The following CHST11 variants were observed in gnomAD, a reference collection of about 807,000 sequenced individuals.
CHST11 encodes the protein carbohydrate sulfotransferase 11, also known as C4S-1.
CHST11 carries 9 observed loss-of-function variants against 30.4 expected under a neutral mutation model. The ratio of observed to expected loss-of-function variants is 0.30; its 90% CI spans 0.18 to 0.52. The LOEUF is 0.52. Among genes scored for constraint, CHST11 ranks in the 20% least tolerant of loss-of-function variants. The pLI, the probability that CHST11 is intolerant of heterozygous loss-of-function variation, is 0.97. For synonymous variants in CHST11, 152 were observed against 187.8 expected (o/e 0.81, Z 1.56); for missense variants, 348 against 460.6 (o/e 0.76, Z 2.24).
intron 1 of CHST11, among the ~76,000 whole-genome samples, chr12:104,484,288 C>T (rs2135962831): frequency 6.6e-6 from 1 of 152,222 alleles, no homozygotes; most frequent in South Asian, 2.1e-4. Flanking sequence ...ATGGGACAGC[C>T]CCATCATGAC....
intron 1 of CHST11, among the ~76,000 whole-genome samples, chr12:104,523,301 C>A (rs780923662): frequency 1.3e-5 from 2 of 152,164 alleles, no homozygotes; most frequent in Non-Finnish European, 2.9e-5. Flanking sequence ...GAATTCTTTT[C>A]GCTTCCTGGA....
rs906336458 is a variant in CHST11 at position 104,661,404 on chromosome 12, C to CTAA, written c.204+59425_204+59427dup. Among the ~76,000 whole-genome samples, 8 of 151,210 alleles carry CTAA rather than the reference C, an allele frequency of 5.3e-5. No homozygotes were observed. In the East Asian group the frequency reaches 5.8e-4, roughly 11 times the overall value. ...CCCATCTCTACTACTACTACTACTA[C>CTAA]TAATAATAATAATACAAAAAATTAG... On this transcript the variant is annotated intron_variant, in intron 2 of 2. Coordinates refer to ENST00000303694, the MANE Select transcript of CHST11 (RefSeq NM_018413.6).
At chr12:104,535,400 C>G (rs1704926) in intron 1 of CHST11, among the ~76,000 whole-genome samples, 85,778 of 151,970 alleles carry the variant, frequency 0.56, 25,145 homozygotes, top group East Asian at 0.97. Context: ...TGGGTTTTAA[C>G]TGCAAACTGT....
chr12:104,700,668 T>C (rs928866628), intron 2 of CHST11, among the ~76,000 whole-genome samples: 1 of 152,220 alleles, frequency 6.6e-6, no homozygotes, highest in Admixed American at 6.5e-5. Context: ...TTCATATTGC[T>C]ATTGATTGCT....
intron 2 of CHST11, among the ~76,000 whole-genome samples, chr12:104,674,787 A>G (rs2039725416): frequency 6.6e-6 from 1 of 151,972 alleles, no homozygotes; most frequent in Non-Finnish European, 1.5e-5. Flanking sequence ...TATATCTAGG[A>G]TATAATGCCC....
rs116710288 is a variant in CHST11 at position 104,742,495 on chromosome 12, T to C, written c.205-14454T>C. Among the ~76,000 whole-genome samples the C allele has an allele frequency of 2.2e-3, 328 of 152,290 alleles. 2 individuals carry two copies. The highest frequency in any genetic ancestry group is 7.3e-3 in the African/African-American group (302 of 41,564). ...CTAGCCAGCAGGTGCTCAGCCTGCC[T>C]GCCCTTACTTCTGATTTCCCAAGCA... On this transcript the variant is annotated intron_variant, in intron 2 of 2. Transcript: ENST00000303694.
In CHST11 at chr12:104,558,339, C is replaced by A. The variant is rs923544073; in HGVS notation, c.119-43567C>A. Among the ~76,000 whole-genome samples, 4 of 152,208 alleles carry A rather than the reference C, an allele frequency of 2.6e-5. No homozygotes were observed. In the East Asian group the frequency reaches 5.8e-4, roughly 22 times the overall value. On this transcript the variant is annotated intron_variant, in intron 1 of 2. Transcript: ENST00000303694. ...CTGTCTCCTAGGCCCCTTCTCTGTACCTGTCTTTATGATTTGTTTTAAGGA... is the reference window on the plus strand; with the variant it reads ...CTGTCTCCTAGGCCCCTTCTCTGTAACTGTCTTTATGATTTGTTTTAAGGA...
At chr12:104,569,772 A>AG (rs1241991779) in intron 1 of CHST11, among the ~76,000 whole-genome samples, 1 of 152,204 alleles carries the variant, frequency 6.6e-6, no homozygotes, top group Non-Finnish European at 1.5e-5. Flanking sequence ...ATGTTGGTGC[A>AG]GGTGGTATTG....
At position 104,606,921 on chromosome 12, in the gene CHST11, C is replaced by G. The variant is rs1019604739; in HGVS notation, c.204+4930C>G. Among the ~76,000 whole-genome samples the G allele has an allele frequency of 2.0e-5, 3 of 152,026 alleles. No individual in the cohort carries two copies. The East Asian group carries it at 5.8e-4, about 29-fold the overall frequency. On this transcript the variant is annotated intron_variant, in intron 2 of 2. Coordinates refer to ENST00000303694, the MANE Select transcript of CHST11 (RefSeq NM_018413.6). ...CGTCTCTACCAAAAATACAAAAATT[C>G]GCCCGGCATGGTGGCTCGTGCCTGT...
intron 1 of CHST11, among the ~76,000 whole-genome samples, chr12:104,509,636 A>G (rs1333359745): frequency 1.3e-5 from 2 of 152,184 alleles, no homozygotes; most frequent in African/African-American, 4.8e-5. Context: ...CAAAAATTGC[A>G]GTAAAAGGCC....
intron 1 of CHST11, among the ~76,000 whole-genome samples, chr12:104,579,313 T>G (rs1316947907): frequency 6.6e-6 from 1 of 152,172 alleles, no homozygotes; most frequent in African/African-American, 2.4e-5. Context: ...TTTACCTGGG[T>G]TGAAGTCTTT....
At chr12:104,740,505 G>A (rs920996620) in intron 2 of CHST11, among the ~76,000 whole-genome samples, 2 of 152,146 alleles carry the variant, frequency 1.3e-5, no homozygotes, top group African/African-American at 4.8e-5. Flanking sequence ...AGGCATATTT[G>A]GGTTCCAGTC....
intron 2 of CHST11, among the ~76,000 whole-genome samples, chr12:104,609,555 C>A (rs950897979): frequency 2.6e-5 from 4 of 152,188 alleles, no homozygotes; most frequent in African/African-American, 9.7e-5. Flanking sequence ...ACATGACAGT[C>A]AAACACAATT....
intron 1 of CHST11, among the ~76,000 whole-genome samples, chr12:104,589,400 CAA>C (rs35359633): frequency 0.26 from 32,310 of 124,290 alleles, 3,695 homozygotes; most frequent in East Asian, 0.41. Context: ...GATCTTGTCT[CAA>C]AAAAAAAAAA....
Position 104,514,474 on chromosome 12 carries a change from T to C in CHST11, c.118+56945T>C, listed in dbSNP as rs2038001456. ...GGGGTCACCTGCCTGTCCCTGCTGC[T>C]ACGACTCCATACCATTACTGGTGCT... On this transcript the variant is annotated intron_variant, in intron 1 of 2. Coordinates refer to ENST00000303694, the MANE Select transcript of CHST11 (RefSeq NM_018413.6). 6 of 726,760 alleles carry C rather than the reference T, an allele frequency of 8.3e-6. No individual in the cohort carries two copies. The East Asian group carries it at 1.5e-4, about 18-fold the overall frequency. The allele number at this position is 726,760 out of a possible 1,614,324, so 45.0% of individuals were successfully genotyped here.
At chr12:104,636,946 A>C (rs1257428629) in intron 2 of CHST11, among the ~76,000 whole-genome samples, 1 of 151,932 alleles carries the variant, frequency 6.6e-6, no homozygotes, top group African/African-American at 2.4e-5. Flanking sequence ...GACTGTCATC[A>C]TCTGTAAGGA....
intron 2 of CHST11, among the ~76,000 whole-genome samples, chr12:104,725,546 C>T (rs1197899826): frequency 2.7e-5 from 4 of 150,834 alleles, no homozygotes; most frequent in Admixed American, 6.6e-5. Flanking sequence ...TCTGAGCCTG[C>T]CTCCCCTGTG....
At chr12:104,719,836 C>G (rs2040159624) in intron 2 of CHST11, among the ~76,000 whole-genome samples, 1 of 152,228 alleles carries the variant, frequency 6.6e-6, no homozygotes, top group African/African-American at 2.4e-5. Context: ...ACAGGCACCA[C>G]TGTCCCCAGA....
At chr12:104,539,558 A>G (rs1485323402) in intron 1 of CHST11, among the ~76,000 whole-genome samples, 1 of 152,184 alleles carries the variant, frequency 6.6e-6, no homozygotes, top group Non-Finnish European at 1.5e-5. Context: ...CTTGTAAGAA[A>G]GATGGAGGAG....
Sources: gnomAD v4.1 joint callset for allele counts (sites outside exome capture counted in the v4.1 genomes callset) on GRCh38, gnomAD v4.1.1 for gene constraint, MANE v1.5 for transcripts, NCBI Gene and HGNC (gene_info 2026-07-23, HGNC 2026-07-21) for gene names.